NRG4: variants seen among roughly 807,000 people sequenced by gnomAD.
The protein encoded by NRG4 is neuregulin 4.
NRG4 carries 10 observed loss-of-function variants against 15.0 expected under a neutral mutation model. The ratio of observed to expected loss-of-function variants is 0.67; its 90% CI spans 0.41 to 1.13. NRG4 has a LOEUF of 1.13. NRG4 is among the 50% of genes most tolerant of loss of function. NRG4 has a pLI of 0.00. For synonymous variants in NRG4, 41 were observed against 50.1 expected (o/e 0.82, Z 0.77); for missense variants, 139 against 140.2 (o/e 0.99, Z 0.04).
intron 3 of NRG4, among the ~76,000 whole-genome samples, chr15:75,967,884 A>T (rs574697999): frequency 3.9e-5 from 6 of 152,232 alleles, no homozygotes; most frequent in African/African-American, 7.2e-5. Context: ...AGAATAATCC[A>T]TATTTGTCAC....
intron 4 of NRG4, among the ~76,000 whole-genome samples, chr15:76,038,362 G>A (rs1406035437): frequency 2.0e-5 from 3 of 152,210 alleles, no homozygotes; most frequent in African/African-American, 7.2e-5. Flanking sequence ...GACATGGCCT[G>A]GGCCAGAGGG....
chr15:75,994,650 T>C (rs2034143213), intron 3 of NRG4, among the ~76,000 whole-genome samples: 1 of 152,244 alleles, frequency 6.6e-6, no homozygotes, highest in Non-Finnish European at 1.5e-5. Flanking sequence ...AGAACTTATA[T>C]TGATAATGCT....
intron 3 of NRG4, among the ~76,000 whole-genome samples, chr15:75,993,863 C>T (rs1343801316): frequency 6.6e-6 from 1 of 151,792 alleles, no homozygotes; most frequent in Non-Finnish European, 1.5e-5. Flanking sequence ...TTCCATATTT[C>T]TTATTTCTCT....
At chr15:75,935,545 TAAGG>T (rs2030258852), downstream of NRG4, 1 of 151,440 alleles carries the variant, frequency 6.6e-6, no homozygotes, top group South Asian at 2.1e-4. Flanking sequence ...AAGTAAAATC[TAAGG>T]AAGAGGGAAA....
chr15:75,935,760 A>T (rs528497045), downstream of NRG4: 1 of 152,196 alleles, frequency 6.6e-6, no homozygotes, highest in South Asian at 2.1e-4. Context: ...GCAAAGAATT[A>T]CAATAGAAAT....
chr15:75,975,889 A>G (rs2033343419), intron 3 of NRG4, among the ~76,000 whole-genome samples: 1 of 152,040 alleles, frequency 6.6e-6, no homozygotes, highest in Non-Finnish European at 1.5e-5. Context: ...CTGAATTTGA[A>G]TGTTGGCCTG....
intron 5 of NRG4, among the ~76,000 whole-genome samples, chr15:76,028,917 A>C (rs956371351): frequency 6.6e-6 from 1 of 151,562 alleles, no homozygotes; most frequent in Admixed American, 6.6e-5. Context: ...AAAAAAAAAA[A>C]AAAAAAAAAA....
chr15:76,058,258 C>A (rs1039378696), intron 1 of NRG4, among the ~76,000 whole-genome samples: 40 of 152,238 alleles, frequency 2.6e-4, no homozygotes, highest in Non-Finnish European at 2.5e-4. Context: ...TATTCTAGTC[C>A]ACATTTCTTC....
intron 3 of NRG4, among the ~76,000 whole-genome samples, chr15:75,986,718 GAT>G (rs920010833): frequency 6.6e-6 from 1 of 152,148 alleles, no homozygotes; most frequent in Non-Finnish European, 1.5e-5. Context: ...AATTAGATGA[GAT>G]ATGAATATTA....
chr15:75,974,036 A>G (rs945354158), intron 3 of NRG4, among the ~76,000 whole-genome samples: 6 of 152,018 alleles, frequency 3.9e-5, no homozygotes, highest in African/African-American at 1.5e-4. Context: ...TTACTGCCTC[A>G]ATTTCAGAAC....
intron 5 of NRG4, among the ~76,000 whole-genome samples, chr15:75,945,250 T>TA (rs201245418): frequency 0.01 from 1,404 of 135,444 alleles, 20 homozygotes; most frequent in African/African-American, 0.034. Context: ...GATATATATA[T>TA]TTTTTATCAT....
At chr15:76,056,411 T>C (rs1274062780) in intron 2 of NRG4, among the ~76,000 whole-genome samples, 3 of 152,068 alleles carry the variant, frequency 2.0e-5, no homozygotes, top group Non-Finnish European at 4.4e-5. Flanking sequence ...TCAGCCGAGA[T>C]TGCGCCATTG....
chr15:75,950,104 A>G (rs948867987), intron 5 of NRG4, among the ~76,000 whole-genome samples: 1 of 152,208 alleles, frequency 6.6e-6, no homozygotes, highest in Non-Finnish European at 1.5e-5. Context: ...ATCTATGAAC[A>G]AAATATAACT....
intron 3 of NRG4, among the ~76,000 whole-genome samples, chr15:75,963,777 C>CAAAAAA (rs71140188): frequency 9.7e-6 from 1 of 102,990 alleles, no homozygotes; most frequent in Non-Finnish European, 1.9e-5. Context: ...GACTCCATCT[C>CAAAAAA]AAAAAAAAAA....
At chr15:76,027,217 A>G (rs1443387044) in intron 5 of NRG4, among the ~76,000 whole-genome samples, 1 of 152,210 alleles carries the variant, frequency 6.6e-6, no homozygotes, top group Non-Finnish European at 1.5e-5. Context: ...ATAGACTGAA[A>G]GTGAAGGGAT....
At chr15:76,038,716 T>C (rs1596052160) in intron 4 of NRG4, among the ~76,000 whole-genome samples, 1 of 152,176 alleles carries the variant, frequency 6.6e-6, no homozygotes, top group South Asian at 2.1e-4. Context: ...ACAAGCCTGG[T>C]TGGCTTCACT....
intron 1 of NRG4, among the ~76,000 whole-genome samples, chr15:76,057,841 T>C (rs2036190776): frequency 6.7e-6 from 1 of 150,330 alleles, no homozygotes; most frequent in Non-Finnish European, 1.5e-5. Flanking sequence ...TTTATAAATA[T>C]AAATATTTTC....
chr15:75,959,481 ATAT>A (rs1442863958), intron 4 of NRG4, among the ~76,000 whole-genome samples: 1 of 151,628 alleles, frequency 6.6e-6, no homozygotes, highest in African/African-American at 2.4e-5. Context: ...ATATAAATAA[ATAT>A]TATCTATTTA....
chr15:75,964,935 A>G (rs2032720568), intron 3 of NRG4, among the ~76,000 whole-genome samples: 1 of 151,434 alleles, frequency 6.6e-6, no homozygotes, highest in African/African-American at 2.4e-5. Flanking sequence ...TAAAAAAAAG[A>G]AAAAAAGAGG....
Sources: gnomAD v4.1 joint callset for allele counts (sites outside exome capture counted in the v4.1 genomes callset) on GRCh38, gnomAD v4.1.1 for gene constraint, MANE v1.5 for transcripts, NCBI Gene and HGNC (gene_info 2026-07-23, HGNC 2026-07-21) for gene names.